The following LRFN2 variants were observed in gnomAD, a reference collection of about 807,000 sequenced individuals.
LRFN2 encodes the protein leucine-rich repeat and fibronectin type-III domain-containing protein 2.
Under a neutral mutation model 37.3 loss-of-function variants are expected in LRFN2, and 18 were observed. The observed-to-expected ratio is 0.48, with a 90% CI of 0.33 to 0.72. LRFN2 has a LOEUF of 0.72. Among genes scored for constraint, LRFN2 ranks in the 30% least tolerant of loss-of-function variants. The pLI, the probability that LRFN2 is intolerant of heterozygous loss-of-function variation, is 0.02. For synonymous variants in LRFN2, 556 were observed against 466.6 expected (o/e 1.19, Z -2.47); for missense variants, 1,006 against 1,060.7 (o/e 0.95, Z 0.72).
intron 1 of LRFN2, among the ~76,000 whole-genome samples, chr6:40,586,453 T>A (rs1767505364): frequency 6.6e-6 from 1 of 152,086 alleles, no homozygotes; most frequent in African/African-American, 2.4e-5. Flanking sequence ...CTTCCTCCCA[T>A]CCGCTCTGCA....
intron 2 of LRFN2, among the ~76,000 whole-genome samples, chr6:40,393,392 A>G (rs1370713212): frequency 6.6e-6 from 1 of 151,954 alleles, no homozygotes; most frequent in African/African-American, 2.4e-5. Context: ...GGAAACAAAA[A>G]CACAAAAACA....
At chr6:40,471,787 G>A (rs888760267) in intron 1 of LRFN2, among the ~76,000 whole-genome samples, 6 of 152,188 alleles carry the variant, frequency 3.9e-5, no homozygotes, top group Non-Finnish European at 7.3e-5. Flanking sequence ...TAAGAGAGGT[G>A]CCTTCTCTGG....
At chr6:40,396,609 T>C (rs984488158) in intron 2 of LRFN2, among the ~76,000 whole-genome samples, 2 of 151,588 alleles carry the variant, frequency 1.3e-5, no homozygotes, top group Admixed American at 1.3e-4. Flanking sequence ...AATTGGCCCA[T>C]CAGAAACAAG....
chr6:40,512,092 G>GC (rs1765726139), intron 1 of LRFN2, among the ~76,000 whole-genome samples: 1 of 152,140 alleles, frequency 6.6e-6, no homozygotes, highest in African/African-American at 2.4e-5. Flanking sequence ...CCCCAACCCT[G>GC]CCCAGGTTCC....
Position 40,539,697 on chromosome 6 carries a change from C to T in LRFN2, c.-19+47244G>A, listed in dbSNP as rs542394451. 3.0e-4 allele frequency among the ~76,000 whole-genome samples: 46 copies of T among 152,198 alleles called. 1 individual carries two copies. The highest frequency in any genetic ancestry group is 8.8e-5 in the Non-Finnish European group (6 of 68,052). On this transcript the variant is annotated intron_variant, in intron 1 of 2. Coordinates refer to ENST00000338305, the MANE Select transcript of LRFN2 (RefSeq NM_020737.3). The stretch of plus-strand genomic sequence containing the variant: ...CACAGGATTCGCAGCCCCCATGGCA[C>T]TGGGGAGCCCAAGACAACTGGTTGG...
At chr6:40,454,613 C>A (rs2113845623) in intron 1 of LRFN2, among the ~76,000 whole-genome samples, 1 of 152,264 alleles carries the variant, frequency 6.6e-6, no homozygotes, top group East Asian at 1.9e-4. Flanking sequence ...CCTACCTAGG[C>A]CCTCCCCTAC....
chr6:40,534,579 G>T (rs1194371880), intron 1 of LRFN2, among the ~76,000 whole-genome samples: 1 of 152,122 alleles, frequency 6.6e-6, no homozygotes, highest in African/African-American at 2.4e-5. Context: ...TTCCCCTCTG[G>T]AAAATGGACC....
At chr6:40,495,544 T>A (rs1183846100) in intron 1 of LRFN2, among the ~76,000 whole-genome samples, 2 of 152,140 alleles carry the variant, frequency 1.3e-5, no homozygotes, top group African/African-American at 4.8e-5. Context: ...CAAAGCCAAG[T>A]TTCAGTCCTC....
rs141389343 is a variant in LRFN2, at chr6:40,573,110, T to G, written c.-19+13831A>C. 1.4e-4 allele frequency among the ~76,000 whole-genome samples: 21 copies of G among 152,356 alleles called. No homozygotes were observed. The East Asian group carries it at 3.1e-3, about 22-fold the overall frequency. On this transcript the variant is annotated intron_variant, in intron 1 of 2. Transcript: ENST00000338305. The stretch of plus-strand genomic sequence containing the variant: ...GTGAGAAGCATCAGCTGAGAACTCC[T>G]GATGAAATCTAATCCTGCCTTCATC...
At chr6:40,470,157 G>C (rs189403765) in intron 1 of LRFN2, among the ~76,000 whole-genome samples, 1 of 152,310 alleles carries the variant, frequency 6.6e-6, no homozygotes, top group African/African-American at 2.4e-5. Flanking sequence ...AACCCCACTT[G>C]CCAAGCCAAC....
intron 1 of LRFN2, among the ~76,000 whole-genome samples, chr6:40,471,306 G>C (rs1472270231): frequency 6.6e-6 from 1 of 152,168 alleles, no homozygotes; most frequent in African/African-American, 2.4e-5. Context: ...ATGGGAAGAT[G>C]GATGGCTCTA....
chr6:40,454,856 C>A (rs1764200719), intron 1 of LRFN2, among the ~76,000 whole-genome samples: 1 of 152,124 alleles, frequency 6.6e-6, no homozygotes, highest in Admixed American at 6.5e-5. Flanking sequence ...GTTGCAAAAC[C>A]TAATGCATAG....
chr6:40,581,006 G>T (rs1431458528), intron 1 of LRFN2, among the ~76,000 whole-genome samples: 1 of 152,144 alleles, frequency 6.6e-6, no homozygotes, highest in Non-Finnish European at 1.5e-5. Flanking sequence ...TGGTGGGGGT[G>T]TGTGTGTATG....
At position 40,424,901 on chromosome 6, in the gene LRFN2, G is replaced by A. The variant is rs557880836; in HGVS notation, c.1400+6813C>T. Among the ~76,000 whole-genome samples, 115 of 152,298 alleles carry A rather than the reference G, an allele frequency of 7.6e-4. 1 individual carries two copies. Among genetic ancestry groups the A allele is most frequent in the Middle Eastern group, 3.4e-3 (1 of 294 alleles). ...CCATGGCCCCAGATCCTGAGATGTC[G>A]ATTTCATTAGCAAATTTTTCTCCAC... is the stretch of plus-strand genomic sequence containing the variant. On this transcript the variant is annotated intron_variant, in intron 2 of 2. Transcript: ENST00000338305.
chr6:40,509,675 G>T (rs1331461428), intron 1 of LRFN2, among the ~76,000 whole-genome samples: 2 of 151,074 alleles, frequency 1.3e-5, no homozygotes, highest in Admixed American at 1.3e-4. Context: ...AGGCAGTGGG[G>T]GTGGGTGCAT....
intron 1 of LRFN2, among the ~76,000 whole-genome samples, chr6:40,489,534 A>G (rs932901360): frequency 1.3e-5 from 2 of 152,068 alleles, no homozygotes; most frequent in African/African-American, 4.8e-5. Flanking sequence ...TGGGACACAC[A>G]GGGGAGGAGA....
At chr6:40,460,096 C>T (rs765507149) in intron 1 of LRFN2, among the ~76,000 whole-genome samples, 7 of 152,164 alleles carry the variant, frequency 4.6e-5, no homozygotes, top group African/African-American at 9.7e-5. Flanking sequence ...CAACCAGGAG[C>T]GGTTGGAAGT....
intron 1 of LRFN2, among the ~76,000 whole-genome samples, chr6:40,436,363 T>C (rs1195463346): frequency 6.6e-6 from 1 of 152,268 alleles, no homozygotes; most frequent in Non-Finnish European, 1.5e-5. Context: ...ATATCGCATG[T>C]GGCTTCCTTT....
intron 1 of LRFN2, among the ~76,000 whole-genome samples, chr6:40,560,758 A>T (rs1766978201): frequency 6.6e-6 from 1 of 152,200 alleles, no homozygotes; most frequent in Admixed American, 6.5e-5. Flanking sequence ...TGGTAAGGAC[A>T]TCATGTCATA....
Sources: gnomAD v4.1 joint callset for allele counts (sites outside exome capture counted in the v4.1 genomes callset) on GRCh38, gnomAD v4.1.1 for gene constraint, MANE v1.5 for transcripts, NCBI Gene and HGNC (gene_info 2026-07-23, HGNC 2026-07-21) for gene names.